Variants in ZDHHC3 observed in about 807,000 individuals in gnomAD.
ZDHHC3 encodes the protein palmitoyltransferase ZDHHC3.
Under a neutral mutation model 30.6 loss-of-function variants are expected in ZDHHC3, and 9 were observed. That is an observed-to-expected ratio of 0.29 (90% CI 0.18 to 0.51). ZDHHC3 has a LOEUF of 0.51. Ranked by LOEUF, ZDHHC3 falls within the 20% of genes least tolerant of loss-of-function variation. The pLI is 0.97. For synonymous variants in ZDHHC3, 136 were observed against 140.2 expected, an observed-to-expected ratio of 0.97 and a Z score of 0.21; for missense variants, 246 against 384.2, an observed-to-expected ratio of 0.64 and a Z score of 3.01.
rs76723434 is a variant in ZDHHC3, at chr3:44,922,422, G to A, written c.*4267C>T. 0.059 allele frequency: 58,422 copies of A among 985,402 alleles called. 1,915 individuals are homozygous for A. Among genetic ancestry groups the A allele is most frequent in the Middle Eastern group, 0.079 (152 of 1,914 alleles). The allele number at this position is 985,402 out of a possible 1,614,324, so 61.0% of individuals were successfully genotyped here. Reference sequence around the variant, plus strand: ...TCCACTGATGAGATGCACAAGGAGTGGTGGGCAGGCTAATAATTTGGATCT... The same window carrying A: ...TCCACTGATGAGATGCACAAGGAGTAGTGGGCAGGCTAATAATTTGGATCT... On this transcript the variant is annotated 3_prime_UTR_variant, in exon 7 of 7. Transcript: ENST00000424952.
Position 44,928,326 on chromosome 3 carries a change from C to T in ZDHHC3, c.741+980G>A, listed in dbSNP as rs572071838. Among the ~76,000 whole-genome samples the T allele has an allele frequency of 9.9e-5, 15 of 152,274 alleles. No individual in the cohort carries two copies. The South Asian group carries it at 2.7e-3, about 27-fold the overall frequency. ...AGCACTGTCCCTTCTTTTCTTTGCA[C>T]GTCCTCCTCTAAGCCCACAGGGGAA... On this transcript the variant is annotated intron_variant, in intron 6 of 6. Coordinates refer to ENST00000424952, the MANE Select transcript of ZDHHC3 (RefSeq NM_001135179.2).
chr3:44,932,076 G>T (rs1362184627), intron 5 of ZDHHC3, among the ~76,000 whole-genome samples: 2 of 152,052 alleles, frequency 1.3e-5, no homozygotes, highest in African/African-American at 4.8e-5. Flanking sequence ...GAGGTGTTTG[G>T]GATGATAAAA....
Position 44,924,681 on chromosome 3 carries a change from C to T in ZDHHC3, c.*2008G>A. Reference sequence around the variant, plus strand: ...CTGGAAGATGGAGTATTACCAATCTCTTCCCCCTAGGGGAGGGCCAGAGCT... The same window carrying T: ...CTGGAAGATGGAGTATTACCAATCTTTTCCCCCTAGGGGAGGGCCAGAGCT... On this transcript the variant is annotated 3_prime_UTR_variant, in exon 7 of 7. Transcript: ENST00000424952. 2.0e-6 allele frequency: 2 copies of T among 985,472 alleles called. No homozygotes were observed. The highest frequency in any genetic ancestry group is 2.3e-4 in the East Asian group (2 of 8,816). The allele number at this position is 985,472 out of a possible 1,614,324, so 61.0% of individuals were successfully genotyped here.
At chr3:44,975,712 G>T (rs1259781990) in intron 1 of ZDHHC3, among the ~76,000 whole-genome samples, 1 of 150,806 alleles carries the variant, frequency 6.6e-6, no homozygotes, top group Non-Finnish European at 1.5e-5. Context: ...CAGCACCCCC[G>T]GGCCAATCAC....
Position 44,918,643 on chromosome 3 carries a change from G to A in ZDHHC3, c.*8046C>T, listed in dbSNP as rs755118170. On this transcript the variant is annotated 3_prime_UTR_variant, in exon 7 of 7. Transcript: ENST00000424952. ...GGAGTGCAGGACACAAACAGCATGC[G>A]AGGTGAAGAAGCGGGTGCTCGTACA... is the stretch of plus-strand genomic sequence containing the variant. The A allele has an allele frequency of 4.0e-6, 4 of 1,001,830 alleles. No individual in the cohort carries two copies. The highest frequency in any genetic ancestry group is 9.9e-5 in the East Asian group (1 of 10,098). The allele number at this position is 1,001,830 out of a possible 1,614,324, so 62.1% of individuals were successfully genotyped here.
chr3:44,962,186 T>A (rs544168584), intron 1 of ZDHHC3, among the ~76,000 whole-genome samples: 1 of 152,340 alleles, frequency 6.6e-6, no homozygotes, highest in Admixed American at 6.5e-5. Flanking sequence ...ATGGTTTTCA[T>A]AAATGGATAA....
rs1350323942 is a variant in ZDHHC3, at chr3:44,922,141, T to C, written c.*4548A>G. 1 of 985,338 alleles carries C rather than the reference T, an allele frequency of 1.0e-6. No homozygotes were observed. Among genetic ancestry groups the C allele is most frequent in the Non-Finnish European group, 1.2e-6 (1 of 829,938 alleles). 61.0% of individuals were successfully genotyped at this position (985,338 alleles called of 1,614,324 possible). On this transcript the variant is annotated 3_prime_UTR_variant, in exon 7 of 7. Transcript: ENST00000424952. The stretch of plus-strand genomic sequence containing the variant: ...TTGTTTCTGCTTCACTGTGAATTCT[T>C]TCTCTTCTATGAGGTGATCCTAAGC...
chr3:44,925,038 A>C lies in ZDHHC3; in HGVS notation c.*1651T>G, dbSNP rs1700872576. The C allele has an allele frequency of 3.0e-6, 3 of 985,422 alleles. No homozygotes were observed. Among genetic ancestry groups the C allele is most frequent in the African/African-American group, 3.5e-5 (2 of 57,312 alleles). The allele number at this position is 985,422 out of a possible 1,614,324, so 61.0% of individuals were successfully genotyped here. A position where few individuals can be genotyped will look rare whatever the true frequency, so the allele number is the denominator to read the frequency against. On this transcript the variant is annotated 3_prime_UTR_variant, in exon 7 of 7. Transcript: ENST00000424952. ...AGGGACCATAAATGCATTTTAAAAC[A>C]AAAAAAATAAAGTATCCTCATTCAA...
rs2125782508 is a variant in ZDHHC3, at chr3:44,920,986, G to T, written c.*5703C>A. 1.0e-6 allele frequency: 1 copy of T among 985,436 alleles called. No homozygotes were observed. The highest frequency in any genetic ancestry group is 6.1e-5 in the Admixed American group (1 of 16,290). 61.0% of individuals were successfully genotyped at this position (985,436 alleles called of 1,614,324 possible). A position where few individuals can be genotyped will look rare whatever the true frequency, so the allele number is the denominator to read the frequency against. ...TTTGAGTTTTGTGTGGATTTAAAGG[G>T]ATCCTGCAGGCAAAGTTCTTAAGCT... is the stretch of plus-strand genomic sequence containing the variant. On this transcript the variant is annotated 3_prime_UTR_variant, in exon 7 of 7. Transcript: ENST00000424952.
intron 3 of ZDHHC3, among the ~76,000 whole-genome samples, chr3:44,935,789 A>G (rs1701910231): frequency 6.6e-6 from 1 of 152,222 alleles, no homozygotes; most frequent in South Asian, 2.1e-4. Flanking sequence ...AATAAATGGT[A>G]CTGGAGATAA....
chr3:44,945,472 A>G (rs1702836969), intron 2 of ZDHHC3, 180 bp from the exon 3 acceptor site: 3 of 892,936 alleles, frequency 3.4e-6, no homozygotes, highest in East Asian at 5.5e-5. Context: ...ATATTTATTG[A>G]CCAAAAATTT....
Position 44,945,165 on chromosome 3 carries a change from T to C in ZDHHC3, c.431+3A>G. ...GAGAGGAGGCGAGCCCCAGTGAGTGTACCTGCAGTGGTGGGCTCGGTCGGG... is the reference window on the plus strand; with the variant it reads ...GAGAGGAGGCGAGCCCCAGTGAGTGCACCTGCAGTGGTGGGCTCGGTCGGG... On this transcript the variant is annotated splice_donor_region_variant and intron_variant, in intron 3 of 6. Transcript: ENST00000424952. The C allele has an allele frequency of 4.3e-6, 7 of 1,613,744 alleles. No homozygotes were observed. Among genetic ancestry groups the C allele is most frequent in the Non-Finnish European group, 5.9e-6 (7 of 1,179,882 alleles).
At chr3:44,929,458 G>A (rs1212890469) in intron 5 of ZDHHC3, 22 bp from the exon 6 acceptor site, 1 of 1,613,038 alleles carries the variant, frequency 6.2e-7, no homozygotes, top group African/African-American at 1.3e-5. Flanking sequence ...GCAGCACACA[G>A]GGATTGGTAC....
intron 3 of ZDHHC3, among the ~76,000 whole-genome samples, chr3:44,940,361 T>C (rs1702337711): frequency 6.6e-6 from 1 of 152,190 alleles, no homozygotes; most frequent in Non-Finnish European, 1.5e-5. Context: ...TGCTCAGCCA[T>C]CTTCCCCGTT....
rs922272375 is a variant in ZDHHC3, at chr3:44,917,881, C to T, written c.*8808G>A. On this transcript the variant is annotated 3_prime_UTR_variant, in exon 7 of 7. Transcript: ENST00000424952. ...AGCACTTTTTAGTGTTTGCTTCTCTCCCCACAGCAGCATCTATTCATCTGT... is the reference window on the plus strand; with the variant it reads ...AGCACTTTTTAGTGTTTGCTTCTCTTCCCACAGCAGCATCTATTCATCTGT... The T allele has an allele frequency of 7.7e-7, 1 of 1,298,878 alleles. No individual in the cohort carries two copies. Among genetic ancestry groups the T allele is most frequent in the African/African-American group, 1.5e-5 (1 of 65,994 alleles). The allele number at this position is 1,298,878 out of a possible 1,614,324, so 80.5% of individuals were successfully genotyped here. A position where few individuals can be genotyped will look rare whatever the true frequency, so the allele number is the denominator to read the frequency against.
chr3:44,973,384 A>G (rs1393199949), intron 1 of ZDHHC3, among the ~76,000 whole-genome samples: 5 of 152,214 alleles, frequency 3.3e-5, no homozygotes, highest in Non-Finnish European at 7.3e-5. Context: ...TCTGTGCCTC[A>G]TTTCCCAATC....
chr3:44,954,880 G>A (rs1055305383), intron 2 of ZDHHC3, among the ~76,000 whole-genome samples: 79 of 152,270 alleles, frequency 5.2e-4, no homozygotes, highest in Non-Finnish European at 8.1e-4. Context: ...AGAAAAGGTG[G>A]TGAAACCAAG....
chr3:44,920,228 T>C lies in ZDHHC3; in HGVS notation c.*6461A>G, dbSNP rs1399173587. ...TCATGAGCATGTGATGCCATGCTGC[T>C]TCCTGACTGGCCCCTCGCCAGGCCT... On this transcript the variant is annotated 3_prime_UTR_variant, in exon 7 of 7. Coordinates refer to ENST00000424952, the MANE Select transcript of ZDHHC3 (RefSeq NM_001135179.2). 2.3e-6 allele frequency: 3 copies of C among 1,289,870 alleles called. No individual in the cohort carries two copies. Among genetic ancestry groups the C allele is most frequent in the Non-Finnish European group, 2.0e-6 (2 of 988,906 alleles). The allele number at this position is 1,289,870 out of a possible 1,614,324, so 79.9% of individuals were successfully genotyped here.
At chr3:44,932,814 G>T in intron 5 of ZDHHC3, 1 of 1,159,652 alleles carries the variant, frequency 8.6e-7, no homozygotes, top group Non-Finnish European at 1.3e-6. Flanking sequence ...TGGCTCCCAC[G>T]CATTGGAACC....
Sources: allele counts gnomAD v4.1 joint callset (sites outside exome capture counted in the v4.1 genomes callset), GRCh38; gene constraint gnomAD v4.1.1; transcripts MANE v1.5; gene names NCBI Gene and HGNC (gene_info 2026-07-23, HGNC 2026-07-21).